Variants in CFAP97D1 observed in about 807,000 individuals in gnomAD.
CFAP97D1 encodes CFAP97 domain containing 1.
A neutral mutation model predicts 20.5 loss-of-function variants in CFAP97D1; 15 were observed. The ratio of observed to expected loss-of-function variants is 0.73; its 90% CI spans 0.49 to 1.13. CFAP97D1 has a LOEUF of 1.13. Among genes scored for constraint, CFAP97D1 ranks in the 50% most tolerant of loss-of-function variants. The pLI is 0.00. For synonymous variants in CFAP97D1, 58 were observed against 71.2 expected (o/e 0.82, Z 0.93); for missense variants, 168 against 202.9 (o/e 0.83, Z 1.04).
intron 2 of CFAP97D1, 95 bp from the exon 3 acceptor site, chr17:43,781,679 T>C: frequency 1.1e-6 from 1 of 869,824 alleles, no homozygotes; most frequent in Non-Finnish European, 1.9e-6. Flanking sequence ...AATGCACCCC[T>C]TTCCCACGAT....
rs977030176 is a variant in CFAP97D1 at position 43,786,725 on chromosome 17, A to T, written c.*2343A>T. 6.6e-6 allele frequency: 1 copy of T among 152,136 alleles called. No individual in the cohort carries two copies. The highest frequency in any genetic ancestry group is 1.5e-5 in the Non-Finnish European group (1 of 68,020). The allele number at this position is 152,136 out of a possible 1,614,324, so 9.4% of individuals were successfully genotyped here. ...CTCAAGCCTAACTCTTGGCAATCAC[A>T]ATCTGTTTTCCACCTCTCTGTTAGT... is the stretch of plus-strand genomic sequence containing the variant. On this transcript the variant is annotated 3_prime_UTR_variant, in exon 6 of 6. Coordinates refer to ENST00000449302, the MANE Select transcript of CFAP97D1 (RefSeq NM_001136483.3).
intron 3 of CFAP97D1, 107 bp from the exon 4 acceptor site, chr17:43,783,073 C>T: frequency 2.1e-6 from 3 of 1,401,160 alleles, no homozygotes; most frequent in Non-Finnish European, 2.9e-6. Flanking sequence ...ACAGTTTACT[C>T]CCTGCACTTA....
rs1228437716 is a variant in CFAP97D1, at chr17:43,786,968, A to ATTATTATTATTATTG, written c.*2600_*2601insGTTATTATTATTATT. The ATTATTATTATTATTG allele has an allele frequency of 2.0e-4, 31 of 151,520 alleles. No homozygotes were observed. The highest frequency in any genetic ancestry group is 7.5e-4 in the African/African-American group (31 of 41,292). 9.4% of individuals were successfully genotyped at this position (151,520 alleles called of 1,614,324 possible). On this transcript the variant is annotated 3_prime_UTR_variant, in exon 6 of 6. Coordinates refer to ENST00000449302, the MANE Select transcript of CFAP97D1 (RefSeq NM_001136483.3). ...TAGTTTTTCAAACATTATTATTATT[A>ATTATTATTATTATTG]TTATTATTATTATTTTGAGATGGAG...
intron 3 of CFAP97D1, 88 bp downstream of exon 3, chr17:43,781,980 A>G: frequency 3.5e-6 from 3 of 862,148 alleles, no homozygotes; most frequent in Non-Finnish European, 3.8e-6. Flanking sequence ...CAAGTCAGAG[A>G]AGTACTTAAG....
At chr17:43,781,915 C>A in intron 3 of CFAP97D1, 23 bp downstream of exon 3, 1 of 1,483,294 alleles carries the variant, frequency 6.7e-7, no homozygotes, top group East Asian at 2.5e-5. Context: ...GTCTTCATTT[C>A]AGTTTTGAAA....
chr17:43,783,210 A>G lies in CFAP97D1; in HGVS notation c.345A>G (p.Leu115=). 5 of 1,551,560 alleles carry G rather than the reference A, an allele frequency of 3.2e-6. No homozygotes were observed. Among genetic ancestry groups the G allele is most frequent in the Non-Finnish European group, 4.4e-6 (5 of 1,146,892 alleles). ...SLNRETRNRE[L]VRITMENQGI... ...ACAGAGAAACAAGGAACCGCGAGCT[A>G]GTGAGAATCACCATGGAAAACCAGG... Residue 115 remains leucine, a synonymous_variant, in exon 4 of 6, where the codon CTA becomes CTG. Coordinates refer to ENST00000449302, the MANE Select transcript of CFAP97D1 (RefSeq NM_001136483.3).
chr17:43,783,992 T>TATCC (rs1328248998), intron 5 of CFAP97D1, 99 bp downstream of exon 5: 6 of 901,002 alleles, frequency 6.7e-6, no homozygotes, highest in Admixed American at 5.2e-5. Flanking sequence ...AGGAGACGGA[T>TATCC]TTTGCTCTTC....
chr17:43,783,255 T>C lies in CFAP97D1; in HGVS notation c.390T>C (p.Val130=). 1.3e-6 allele frequency: 2 copies of C among 1,551,386 alleles called. No individual in the cohort carries two copies. The highest frequency in any genetic ancestry group is 1.2e-5 in the South Asian group (1 of 84,050). ...ACCAGGGCATTCTGAAGAGGCTTGT[T>C]GATCGCAAACCCCACTATGACCGCA... ...MENQGILKRL[V]DRKPHYDRRA... The change falls in exon 4 of 6, where the codon GTT becomes GTC. Residue 130 remains valine, a synonymous_variant. Transcript: ENST00000449302.
chr17:43,780,673 C>A, intron 1 of CFAP97D1, 87 bp downstream of exon 1: 1 of 1,454,276 alleles, frequency 6.9e-7, no homozygotes, highest in Non-Finnish European at 9.4e-7. Flanking sequence ...CAGACCAGGT[C>A]ACAGCTTTGG....
rs1048029736 is a variant in CFAP97D1 at position 43,781,073 on chromosome 17, G to A, written c.125-46G>A. On this transcript the variant is annotated intron_variant, in intron 1 of 5. Transcript: ENST00000449302. Reference sequence around the variant, plus strand: ...TGCTGGTTTTCTGAGGCCGCTACTGGAATTCCTGTGATGTAACATTGTTCC... The same window carrying A: ...TGCTGGTTTTCTGAGGCCGCTACTGAAATTCCTGTGATGTAACATTGTTCC... 2.1e-6 allele frequency: 3 copies of A among 1,442,630 alleles called. No homozygotes were observed. The African/African-American group carries it at 4.2e-5, about 20-fold the overall frequency. 89.4% of individuals were successfully genotyped at this position (1,442,630 alleles called of 1,614,324 possible).
rs565790204 is a variant in CFAP97D1 at position 43,784,745 on chromosome 17, A to C, written c.*363A>C. On this transcript the variant is annotated 3_prime_UTR_variant, in exon 6 of 6. Coordinates refer to ENST00000449302, the MANE Select transcript of CFAP97D1 (RefSeq NM_001136483.3). Reference sequence around the variant, plus strand: ...CACAAGTACAGCACTGTCAAAATGGAAAACGAAATCACATGACAACATCAA... The same window carrying C: ...CACAAGTACAGCACTGTCAAAATGGCAAACGAAATCACATGACAACATCAA... 2 of 152,334 alleles carry C rather than the reference A, an allele frequency of 1.3e-5. No individual in the cohort carries two copies. The highest frequency in any genetic ancestry group is 3.9e-4 in the East Asian group (2 of 5,184). 9.4% of individuals were successfully genotyped at this position (152,334 alleles called of 1,614,324 possible). A position where few individuals can be genotyped will look rare whatever the true frequency, so the allele number is the denominator to read the frequency against.
chr17:43,783,988 C>T (rs1974501188), intron 5 of CFAP97D1, 95 bp downstream of exon 5: 1 of 927,688 alleles, frequency 1.1e-6, no homozygotes, highest in Non-Finnish European at 1.6e-6. Flanking sequence ...GTTAAGGAGA[C>T]GGATTTTGCT....
At chr17:43,780,675 C>G in intron 1 of CFAP97D1, 89 bp downstream of exon 1, 1 of 1,438,124 alleles carries the variant, frequency 7.0e-7, no homozygotes. Context: ...GACCAGGTCA[C>G]AGCTTTGGGA....
chr17:43,780,671 G>A, intron 1 of CFAP97D1, 85 bp downstream of exon 1: 1 of 1,466,012 alleles, frequency 6.8e-7, no homozygotes, highest in Non-Finnish European at 9.3e-7. Context: ...ACCAGACCAG[G>A]TCACAGCTTT....
Position 43,781,869 on chromosome 17 carries a change from C to A in CFAP97D1, c.291C>A (p.Cys97Ter). 6.5e-7 allele frequency: 1 copy of A among 1,549,572 alleles called. No homozygotes were observed. Among genetic ancestry groups the A allele is most frequent in the Non-Finnish European group, 8.7e-7 (1 of 1,145,056 alleles). Residue 97 changes from cysteine (C) to a stop codon, truncating the protein, a stop_gained, in exon 3 of 6, where the codon TGC (cysteine) becomes TGA (stop). Transcript: ENST00000449302. LOFTEE classifies it high-confidence loss of function. ...NAHRGPAKVD[C>*]WNEYFSKSLN... The stretch of plus-strand genomic sequence containing the variant: ...ATCGCGGCCCTGCCAAGGTGGATTG[C>A]TGGAATGAATATTTTTCCAAGAGGT...
rs766963801 is a variant in CFAP97D1 at position 43,781,152 on chromosome 17, C to T, written c.158C>T (p.Ala53Val). Residue 53 changes from alanine (A) to valine (V), a missense_variant, in exon 2 of 6, where the codon GCG (alanine) becomes GTG (valine). Transcript: ENST00000449302. ...KPTVDTKPPVAHTNHILKLSK... is the reference protein window; with the variant it reads ...KPTVDTKPPVVHTNHILKLSK... Reference sequence around the variant, plus strand: ...ACTGTTGATACCAAACCTCCAGTGGCGCACACAAATCACATTTTAAAATTG... The same window carrying T: ...ACTGTTGATACCAAACCTCCAGTGGTGCACACAAATCACATTTTAAAATTG... 1.4e-5 allele frequency: 22 copies of T among 1,551,400 alleles called. No homozygotes were observed. The highest frequency in any genetic ancestry group is 4.8e-5 in the South Asian group (4 of 84,062).
At position 43,783,896 on chromosome 17, in the gene CFAP97D1, A is replaced by G; in HGVS notation, c.*3A>G. ...ATCTTCTCTCCCAAAATGAATAGGT[A>G]TGTCTCTCTTACTATCAAACACTGT... On this transcript the variant is annotated splice_donor_region_variant and intron_variant, in intron 5 of 5. Transcript: ENST00000449302. 1 of 1,546,822 alleles carries G rather than the reference A, an allele frequency of 6.5e-7. No individual in the cohort carries two copies. Among genetic ancestry groups the G allele is most frequent in the South Asian group, 1.2e-5 (1 of 83,976 alleles).
At position 43,783,259 on chromosome 17, in the gene CFAP97D1, C is replaced by T. The variant is rs1399789967; in HGVS notation, c.394C>T (p.Arg132Cys). 4 of 1,551,328 alleles carry T rather than the reference C, an allele frequency of 2.6e-6. No homozygotes were observed. The highest frequency in any genetic ancestry group is 1.4e-5 in the African/African-American group (1 of 73,076). ...GGGCATTCTGAAGAGGCTTGTTGAT[C>T]GCAAACCCCACTATGACCGCAGGGC... ...NQGILKRLVD[R>C]KPHYDRRASE... Residue 132 changes from arginine to cysteine, a missense_variant, in exon 4 of 6, where the codon CGC becomes TGC. Arg to Cys is a radical substitution (Grantham distance 180). Coordinates refer to ENST00000449302, the MANE Select transcript of CFAP97D1 (RefSeq NM_001136483.3).
At chr17:43,783,068 T>C in intron 3 of CFAP97D1, 112 bp from the exon 4 acceptor site, 1 of 1,366,636 alleles carries the variant, frequency 7.3e-7, no homozygotes, top group African/African-American at 1.4e-5. Flanking sequence ...GCAGGACAGT[T>C]TACTCCCTGC....
Sources: gnomAD v4.1 joint callset for allele counts on GRCh38, gnomAD v4.1.1 for gene constraint, MANE v1.5 for transcripts, NCBI Gene and HGNC (gene_info 2026-07-23, HGNC 2026-07-21) for gene names.